ASAP3: variants seen among roughly 807,000 people sequenced by gnomAD.
ASAP3 encodes the protein arf-GAP with SH3 domain, ANK repeat and PH domain-containing protein 3.
Under a neutral mutation model 118.2 loss-of-function variants are expected in ASAP3, and 85 were observed. That is an observed-to-expected ratio of 0.72 (90% CI 0.60 to 0.86). The LOEUF is 0.86. Among genes scored for constraint, ASAP3 ranks in the 40% least tolerant of loss-of-function variants. The pLI is 0.00. For synonymous variants in ASAP3, 432 were observed against 477.4 expected, an observed-to-expected ratio of 0.90 and a Z score of 1.24; for missense variants, 1,026 against 1,175.0, an observed-to-expected ratio of 0.87 and a Z score of 1.85.
At position 23,437,833 on chromosome 1, in the gene ASAP3, G is replaced by C. The variant is rs1570339865; in HGVS notation, c.1103-361C>G. ...TCCTGGTCTCCTCCTGGGCGACCAG[G>C]CCTCCTGTCTGGTCTCCCTGCTTCC... On this transcript the variant is annotated intron_variant, in intron 12 of 24. Coordinates refer to ENST00000336689, the MANE Select transcript of ASAP3 (RefSeq NM_017707.4). This position sits in a 1 kb window ranked among gnomAD's most constrained non-coding sequence, Gnocchi z 6.1. Among the ~76,000 whole-genome samples, 1 of 151,974 alleles carries C rather than the reference G, an allele frequency of 6.6e-6. No homozygotes were observed. Among genetic ancestry groups the C allele is most frequent in the Non-Finnish European group, 1.5e-5 (1 of 67,974 alleles).
intron 17 of ASAP3, 152 bp downstream of exon 17, chr1:23,435,699 G>A (rs1233594846): frequency 1.1e-6 from 1 of 898,468 alleles, no homozygotes; most frequent in Non-Finnish European, 1.8e-6. Flanking sequence ...CTGCCTGACT[G>A]AAGCTGTGCT....
In ASAP3 at chr1:23,435,135, C is replaced by T. The variant is rs184204544; in HGVS notation, c.1750-517G>A. Among the ~76,000 whole-genome samples the T allele has an allele frequency of 5.9e-5, 9 of 152,378 alleles. No individual in the cohort carries two copies. The East Asian group carries it at 1.7e-3, about 29-fold the overall frequency. ...CTCAACCTCCTGGGCTCAAGCCACC[C>T]TCCCACCTCAGCCTTCTGAGTAGCT... On this transcript the variant is annotated intron_variant, in intron 17 of 24. Transcript: ENST00000336689.
At chr1:23,435,449 C>T (rs1213480788) in intron 17 of ASAP3, among the ~76,000 whole-genome samples, 1 of 152,242 alleles carries the variant, frequency 6.6e-6, no homozygotes, top group African/African-American at 2.4e-5. Context: ...AGCAATGTGG[C>T]CTTCCTGGCT....
intron 1 of ASAP3, among the ~76,000 whole-genome samples, chr1:23,460,523 A>C (rs897129220): frequency 6.6e-6 from 1 of 151,046 alleles, no homozygotes; most frequent in Non-Finnish European, 1.5e-5. Flanking sequence ...AAAAAAAAAA[A>C]AAACCAAACA....
intron 1 of ASAP3, among the ~76,000 whole-genome samples, chr1:23,457,643 A>G (rs1641430554): frequency 6.6e-6 from 1 of 152,136 alleles, no homozygotes; most frequent in Non-Finnish European, 1.5e-5. Flanking sequence ...CAGCCTTCTG[A>G]CTAGCTGGGA....
intron 24 of ASAP3, 32 bp downstream of exon 24, chr1:23,431,003 C>G: frequency 6.7e-7 from 1 of 1,503,104 alleles, no homozygotes. Flanking sequence ...ACCCTGCCAC[C>G]GCCCCTCAAA....
intron 5 of ASAP3, among the ~76,000 whole-genome samples, chr1:23,450,508 A>G (rs901205264): frequency 2.6e-5 from 4 of 152,050 alleles, no homozygotes; most frequent in African/African-American, 7.2e-5. Context: ...TTAATATTTT[A>G]GGCTTGAAAA....
At chr1:23,478,983 C>T (rs1219756296) in intron 1 of ASAP3, among the ~76,000 whole-genome samples, 1 of 152,000 alleles carries the variant, frequency 6.6e-6, no homozygotes, top group African/African-American at 2.4e-5. Flanking sequence ...CTCTGAGAAG[C>T]GCCCCCTCCC....
intron 1 of ASAP3, among the ~76,000 whole-genome samples, chr1:23,478,785 G>A (rs968952139): frequency 2.6e-5 from 4 of 151,908 alleles, no homozygotes; most frequent in Admixed American, 6.6e-5. Flanking sequence ...AATAAAAAAT[G>A]AAAAAACTCC....
intron 5 of ASAP3, among the ~76,000 whole-genome samples, chr1:23,449,487 A>G (rs115011074): frequency 1.4e-4 from 21 of 152,312 alleles, no homozygotes; most frequent in Non-Finnish European, 2.8e-4. Context: ...GACAGATGCT[A>G]TCAGGGCCCT....
At position 23,442,272 on chromosome 1, in the gene ASAP3, C is replaced by G. The variant is rs750169958; in HGVS notation, c.586-1G>C. 1 of 1,602,270 alleles carries G rather than the reference C, an allele frequency of 6.2e-7. No homozygotes were observed. Among genetic ancestry groups the G allele is most frequent in the South Asian group, 1.1e-5 (1 of 88,432 alleles). ...GGCTCTCCCCGGCTTTGAGCAGATA[C>G]TAGGAGGAGGGCAGGGCAAGATACG... is the stretch of plus-strand genomic sequence containing the variant. On this transcript the variant is annotated splice_acceptor_variant, in intron 6 of 24. Transcript: ENST00000336689. LOFTEE classifies it high-confidence loss of function.
chr1:23,442,760 G>C (rs1570351662), intron 5 of ASAP3, 148 bp from the exon 6 acceptor site: 1 of 1,197,038 alleles, frequency 8.4e-7, no homozygotes, highest in East Asian at 2.6e-5. Context: ...GAACAAGACA[G>C]TTTAGGGAAT....
At position 23,438,891 on chromosome 1, in the gene ASAP3, T is replaced by C. The variant is rs553173461; in HGVS notation, c.1015-57A>G. ...ATTACCTCTGGCCCTCCACATTCTT[T>C]AGGCCTCCATTTCCCACTCTGTTAA... On this transcript the variant is annotated intron_variant, in intron 11 of 24. Coordinates refer to ENST00000336689, the MANE Select transcript of ASAP3 (RefSeq NM_017707.4). This position sits in a 1 kb window ranked among gnomAD's most constrained non-coding sequence, Gnocchi z 4.9. 146 of 1,539,162 alleles carry C rather than the reference T, an allele frequency of 9.5e-5. 2 individuals carry two copies. In the South Asian group the frequency reaches 1.6e-3, roughly 16 times the overall value.
At chr1:23,439,379 C>T (rs1640787286) in intron 10 of ASAP3, 149 bp from the exon 11 acceptor site, 1 of 689,360 alleles carries the variant, frequency 1.5e-6, no homozygotes, top group Admixed American at 2.4e-5. Flanking sequence ...CCACCCCTGA[C>T]CCCTGACTCT....
chr1:23,435,675 A>C, intron 17 of ASAP3, 176 bp downstream of exon 17: 1 of 738,684 alleles, frequency 1.4e-6, no homozygotes, highest in South Asian at 1.6e-5. Context: ...CAGAGCCAGG[A>C]TTCCCACCCA....
chr1:23,476,275 G>A (rs1642125855), intron 1 of ASAP3, among the ~76,000 whole-genome samples: 1 of 151,304 alleles, frequency 6.6e-6, no homozygotes. Context: ...GAACCCGGGA[G>A]GTGGAGGTTG....
intron 1 of ASAP3, among the ~76,000 whole-genome samples, chr1:23,483,598 GA>G (rs1642382356): frequency 6.6e-6 from 1 of 152,118 alleles, no homozygotes; most frequent in African/African-American, 2.4e-5. Context: ...CAGCCGGGGG[GA>G]AGAAAGTTCA....
rs547687604 is a variant in ASAP3, at chr1:23,434,688, T to C, written c.1750-70A>G. 5 of 1,466,164 alleles carry C rather than the reference T, an allele frequency of 3.4e-6. No homozygotes were observed. In the East Asian group the frequency reaches 1.2e-4, roughly 35 times the overall value. The allele number at this position is 1,466,164 out of a possible 1,614,324, so 90.8% of individuals were successfully genotyped here. On this transcript the variant is annotated intron_variant, in intron 17 of 24. Coordinates refer to ENST00000336689, the MANE Select transcript of ASAP3 (RefSeq NM_017707.4). ...TGCCTCCAACCCAGTATTTCCCTCTTGAACTCTTGCTAACCCCTTATCCCC... is the reference window on the plus strand; with the variant it reads ...TGCCTCCAACCCAGTATTTCCCTCTCGAACTCTTGCTAACCCCTTATCCCC...
rs1223974490 is a variant in ASAP3 at position 23,438,539 on chromosome 1, C to T, written c.1102+208G>A. ...CAAATATGCTCTGTATAAATAGCCACATTTATTATGTAAAGTGGGTGCATT... is the reference window on the plus strand; with the variant it reads ...CAAATATGCTCTGTATAAATAGCCATATTTATTATGTAAAGTGGGTGCATT... On this transcript the variant is annotated intron_variant, in intron 12 of 24. Transcript: ENST00000336689. The surrounding 1 kb of genome is among the most constrained non-coding windows in gnomAD (Gnocchi z 4.9). Among the ~76,000 whole-genome samples, 1 of 152,236 alleles carries T rather than the reference C, an allele frequency of 6.6e-6. No homozygotes were observed. Among genetic ancestry groups the T allele is most frequent in the African/African-American group, 2.4e-5 (1 of 41,460 alleles).
Sources: gnomAD v4.1 joint callset for allele counts (sites outside exome capture counted in the v4.1 genomes callset) on GRCh38, gnomAD v4.1.1 for gene constraint, Gnocchi (gnomAD v3.1) non-coding constraint, MANE v1.5 for transcripts, NCBI Gene and HGNC (gene_info 2026-07-23, HGNC 2026-07-21) for gene names.